Variants in IFNAR2 observed in about 807,000 individuals in gnomAD.
IFNAR2 encodes the protein interferon alpha/beta receptor 2.
IFNAR2 carries 30 observed loss-of-function variants against 49.4 expected under a neutral mutation model. The ratio of observed to expected loss-of-function variants is 0.61; its 90% CI spans 0.45 to 0.82. IFNAR2 has a LOEUF of 0.82. Ranked by LOEUF, IFNAR2 falls within the 40% of genes least tolerant of loss-of-function variation. The probability of loss-of-function intolerance (pLI) is 0.00; values close to 1 mark genes in which losing one functional copy is unlikely to be tolerated. For missense variants in IFNAR2, 600 were observed against 622.7 expected (o/e 0.96, Z 0.39); for synonymous variants, 224 against 234.5 (o/e 0.96, Z 0.41).
chr21:33,252,344 G>C, intron 6 of IFNAR2: 2 of 695,006 alleles, frequency 2.9e-6, no homozygotes, highest in Non-Finnish European at 4.2e-6. Flanking sequence ...CTGTCCATGA[G>C]AGAAGATAAT....
In IFNAR2 at chr21:33,260,076, A is replaced by G. The variant is rs574261526; in HGVS notation, c.710-521A>G. Among the ~76,000 whole-genome samples, 6 of 152,330 alleles carry G rather than the reference A, an allele frequency of 3.9e-5. No individual in the cohort carries two copies. The South Asian group carries it at 8.3e-4, about 21-fold the overall frequency. On this transcript the variant is annotated intron_variant, in intron 7 of 8. Coordinates refer to ENST00000342136, the MANE Select transcript of IFNAR2 (RefSeq NM_001289125.3). ...CTGAAATTTTCCAAAAGGAATTTTG[A>G]TGAGAAACTAAGGGGAACTGTTAAT...
intron 1 of IFNAR2, among the ~76,000 whole-genome samples, chr21:33,238,115 C>T (rs906560256): frequency 7.9e-5 from 12 of 152,146 alleles, no homozygotes; most frequent in African/African-American, 2.9e-4. Context: ...TCTCGGCTGA[C>T]CGAAAAATGC....
At chr21:33,239,403 A>C (rs9978157) in intron 1 of IFNAR2, among the ~76,000 whole-genome samples, 1 of 152,076 alleles carries the variant, frequency 6.6e-6, no homozygotes, top group Non-Finnish European at 1.5e-5. Context: ...ACAAATTGCA[A>C]TGTTGGCTTC....
chr21:33,237,089 G>A (rs976063680), intron 1 of IFNAR2, among the ~76,000 whole-genome samples: 1 of 151,768 alleles, frequency 6.6e-6, no homozygotes, highest in Admixed American at 6.6e-5. Flanking sequence ...GTGTGTGTGT[G>A]TGTGTGTGTG....
At chr21:33,249,672 C>T (rs1987705938) in intron 6 of IFNAR2, among the ~76,000 whole-genome samples, 1 of 152,170 alleles carries the variant, frequency 6.6e-6, no homozygotes, top group Non-Finnish European at 1.5e-5. Context: ...CCTCCAAATG[C>T]TGGAATAAGT....
At chr21:33,247,146 G>A (rs1209331987) in intron 5 of IFNAR2, among the ~76,000 whole-genome samples, 1 of 151,866 alleles carries the variant, frequency 6.6e-6, no homozygotes, top group Non-Finnish European at 1.5e-5. Context: ...AGGAACTGCT[G>A]TTTTCGGTTT....
Position 33,241,855 on chromosome 21 carries a change from C to A in IFNAR2, c.-68C>A, listed in dbSNP as rs765031683. 4.3e-5 allele frequency: 68 copies of A among 1,599,538 alleles called. No individual in the cohort carries two copies. Among genetic ancestry groups the A allele is most frequent in the Non-Finnish European group, 5.7e-5 (67 of 1,172,962 alleles). Reference sequence around the variant, plus strand: ...ATATTTGCAGTTTAATTAGACACTTCAGAATTTTGATCACCTAATGTTGAT... The same window carrying A: ...ATATTTGCAGTTTAATTAGACACTTAAGAATTTTGATCACCTAATGTTGAT... On this transcript the variant is annotated 5_prime_UTR_variant, in exon 2 of 9. Coordinates refer to ENST00000342136, the MANE Select transcript of IFNAR2 (RefSeq NM_001289125.3).
chr21:33,250,883 C>G (rs910874767), intron 6 of IFNAR2, among the ~76,000 whole-genome samples: 7 of 152,146 alleles, frequency 4.6e-5, no homozygotes, highest in Non-Finnish European at 7.3e-5. Context: ...ACTAACTTCC[C>G]CATTAACTAT....
At chr21:33,237,639 A>G (rs9636867) in intron 1 of IFNAR2, among the ~76,000 whole-genome samples, 48,773 of 152,116 alleles carry the variant, frequency 0.32, 8,350 homozygotes, top group East Asian at 0.58. Flanking sequence ...GGGAGATGAC[A>G]TCACACATCA....
In IFNAR2 at chr21:33,263,296, G is replaced by A. The variant is rs757139087; in HGVS notation, c.1344G>A (p.Met448Ile). Residue 448 changes from methionine to isoleucine, a missense_variant, in exon 9 of 9, where the codon ATG (methionine) becomes ATA (isoleucine). Physicochemically the swap from Met to Ile is conservative, Grantham distance 10 (BLOSUM62 1). Coordinates refer to ENST00000342136, the MANE Select transcript of IFNAR2 (RefSeq NM_001289125.3). ...GTGACGACTTAGAAGCCCCTCTGAT[G>A]CTATCGTCTCATCTGGAAGAGATGG... ...EDSDDLEAPL[M>I]LSSHLEEMVD... The A allele has an allele frequency of 6.2e-7, 1 of 1,614,076 alleles. No homozygotes were observed. The highest frequency in any genetic ancestry group is 8.5e-7 in the Non-Finnish European group (1 of 1,180,048).
intron 1 of IFNAR2, among the ~76,000 whole-genome samples, chr21:33,233,637 A>G (rs1445288514): frequency 2.0e-5 from 3 of 152,230 alleles, no homozygotes; most frequent in Admixed American, 1.3e-4. Context: ...TCCAAGGGAA[A>G]GAAACTTTTC....
intron 1 of IFNAR2, among the ~76,000 whole-genome samples, chr21:33,233,918 A>T (rs1401762135): frequency 6.6e-6 from 1 of 152,030 alleles, no homozygotes; most frequent in African/African-American, 2.4e-5. Flanking sequence ...CAAAAAAAAA[A>T]GAAGTCAGAG....
At chr21:33,260,027 A>G (rs1165469851) in intron 7 of IFNAR2, among the ~76,000 whole-genome samples, 1 of 152,224 alleles carries the variant, frequency 6.6e-6, no homozygotes, top group Non-Finnish European at 1.5e-5. Flanking sequence ...CACTTCAGGA[A>G]AATAACTATG....
In IFNAR2 at chr21:33,230,395, T is replaced by C; in HGVS notation, c.-84+179T>C. Reference sequence around the variant, plus strand: ...GAGTATGCGGCTAGTGCGCCCTTCCTCTCTCCCGGGGCCGCACCTGCGACC... The same window carrying C: ...GAGTATGCGGCTAGTGCGCCCTTCCCCTCTCCCGGGGCCGCACCTGCGACC... On this transcript the variant is annotated intron_variant, in intron 1 of 8. Transcript: ENST00000342136. The surrounding 1 kb of genome is among the most constrained non-coding windows in gnomAD (Gnocchi z 5.5). 2 of 519,932 alleles carry C rather than the reference T, an allele frequency of 3.8e-6. No individual in the cohort carries two copies. Among genetic ancestry groups the C allele is most frequent in the Non-Finnish European group, 6.3e-6 (2 of 317,216 alleles). The allele number at this position is 519,932 out of a possible 1,614,324, so 32.2% of individuals were successfully genotyped here.
chr21:33,262,645 A>G (rs1208166454), intron 8 of IFNAR2, 148 bp from the exon 9 acceptor site: 3 of 1,154,972 alleles, frequency 2.6e-6, no homozygotes, highest in Non-Finnish European at 3.9e-6. Context: ...TCCTGAGCTC[A>G]AACAGTCGTC....
At chr21:33,241,732 A>G in intron 1 of IFNAR2, 108 bp from the exon 2 acceptor site, 1 of 691,710 alleles carries the variant, frequency 1.4e-6, no homozygotes, top group Non-Finnish European at 2.2e-6. Flanking sequence ...TTGGGCCCAG[A>G]AGCTGAGACC....
chr21:33,241,921 A>C lies in IFNAR2; in HGVS notation c.-2A>C. The stretch of plus-strand genomic sequence containing the variant: ...CAAGAGAAGACTCTAAAAATAGCAA[A>C]GATGCTTTTGAGCCAGAATGCCTTC... On this transcript the variant is annotated 5_prime_UTR_variant, in exon 2 of 9. Coordinates refer to ENST00000342136, the MANE Select transcript of IFNAR2 (RefSeq NM_001289125.3). 1 of 1,612,494 alleles carries C rather than the reference A, an allele frequency of 6.2e-7. No individual in the cohort carries two copies. The highest frequency in any genetic ancestry group is 8.5e-7 in the Non-Finnish European group (1 of 1,178,842).
chr21:33,248,571 C>T (rs1368976433), intron 5 of IFNAR2, 138 bp from the exon 6 acceptor site: 6 of 623,902 alleles, frequency 9.6e-6, no homozygotes, highest in Non-Finnish European at 1.6e-5. Context: ...AGTGGAATAG[C>T]ATTAGCAATG....
In IFNAR2 at chr21:33,230,826, T is replaced by TC. The variant is rs908467363; in HGVS notation, c.-84+611dup. On this transcript the variant is annotated intron_variant, in intron 1 of 8. Coordinates refer to ENST00000342136, the MANE Select transcript of IFNAR2 (RefSeq NM_001289125.3). This position sits in a 1 kb window ranked among gnomAD's most constrained non-coding sequence, Gnocchi z 5.5. The stretch of plus-strand genomic sequence containing the variant: ...GACAGAAGGGTGCACCCTCCCAGGG[T>TC]CGGAGAGGGGAGATACTGGGAAGAT... Among the ~76,000 whole-genome samples the TC allele has an allele frequency of 1.3e-5, 2 of 151,888 alleles. No homozygotes were observed. The highest frequency in any genetic ancestry group is 2.9e-5 in the Non-Finnish European group (2 of 67,922).
Sources: allele counts gnomAD v4.1 joint callset (sites outside exome capture counted in the v4.1 genomes callset), GRCh38; gene constraint gnomAD v4.1.1; non-coding constraint Gnocchi (gnomAD v3.1); transcripts MANE v1.5; gene names NCBI Gene and HGNC (gene_info 2026-07-23, HGNC 2026-07-21).